EYS: variants seen among roughly 807,000 people sequenced by gnomAD.
The protein encoded by EYS is protein eyes shut homolog.
EYS carries 250 observed loss-of-function variants against 282.1 expected under a neutral mutation model. The observed-to-expected ratio is 0.89, with a 90% CI of 0.80 to 0.98. The LOEUF (loss-of-function observed/expected upper bound fraction) is 0.98. EYS is among the 50% of genes least tolerant of loss of function. The pLI is 0.00. For missense variants in EYS, 4,016 were observed against 3,709.0 expected (o/e 1.08, Z -2.15); for synonymous variants, 1,355 against 1,282.9 (o/e 1.06, Z -1.20).
intron 30 of EYS, among the ~76,000 whole-genome samples, chr6:64,251,978 T>C (rs1767232708): frequency 6.6e-6 from 1 of 152,108 alleles, no homozygotes. Context: ...AAAAACAGTA[T>C]GTGAAAAAGT....
chr6:64,652,065 G>A lies in EYS; in HGVS notation c.3444-25820C>T, dbSNP rs1562113471. ...AAAAATTTGCATTTACTTTGAGGGA[G>A]CAATTTCCCTGCCAAGAACTTATTT... On this transcript the variant is annotated intron_variant, in intron 22 of 42. Coordinates refer to ENST00000503581, the MANE Select transcript of EYS (RefSeq NM_001142800.2). Among the ~76,000 whole-genome samples, 3 of 152,254 alleles carry A rather than the reference G, an allele frequency of 2.0e-5. No individual in the cohort carries two copies. In the East Asian group the frequency reaches 5.8e-4, roughly 29 times the overall value.
intron 14 of EYS, among the ~76,000 whole-genome samples, chr6:64,984,235 C>G (rs1050978452): frequency 6.6e-6 from 1 of 151,280 alleles, no homozygotes; most frequent in South Asian, 2.1e-4. Flanking sequence ...CCCTTCCAAT[C>G]ATGTAGAAGC....
rs796162233 is a variant in EYS at position 64,487,480 on chromosome 6, G to T, written c.5645-48128C>A. Reference sequence around the variant, plus strand: ...CAGCAACAATAAAATAAGCATAATTGGGAATTAATATCCATTTAAAATGTA... The same window carrying T: ...CAGCAACAATAAAATAAGCATAATTTGGAATTAATATCCATTTAAAATGTA... On this transcript the variant is annotated intron_variant, in intron 26 of 42. Coordinates refer to ENST00000503581, the MANE Select transcript of EYS (RefSeq NM_001142800.2). Among the ~76,000 whole-genome samples the T allele has an allele frequency of 2.0e-5, 3 of 150,726 alleles. No individual in the cohort carries two copies. The South Asian group carries it at 6.2e-4, about 31-fold the overall frequency.
intron 10 of EYS, among the ~76,000 whole-genome samples, chr6:65,338,212 T>C (rs1562105474): frequency 6.6e-6 from 1 of 151,236 alleles, no homozygotes; most frequent in Non-Finnish European, 1.5e-5. Context: ...AATTTTGGAT[T>C]TCAACATGAT....
chr6:64,415,937 C>T (rs1342130504), intron 28 of EYS, among the ~76,000 whole-genome samples: 1 of 152,174 alleles, frequency 6.6e-6, no homozygotes. Context: ...TTTATAGAAA[C>T]TATCACAGAG....
At chr6:65,505,251 T>A (rs1387805835) in intron 2 of EYS, among the ~76,000 whole-genome samples, 1 of 151,178 alleles carries the variant, frequency 6.6e-6, no homozygotes, top group African/African-American at 2.4e-5. Flanking sequence ...ATAATGGCAA[T>A]CCCTGTTTGA....
At chr6:64,436,318 A>G (rs1774745888) in intron 27 of EYS, 53 bp from the exon 28 acceptor site, 1 of 913,314 alleles carries the variant, frequency 1.1e-6, no homozygotes, top group Non-Finnish European at 1.7e-6. Flanking sequence ...TGAAATTAAT[A>G]CCATATATTT....
At chr6:63,770,921 A>ATG (rs1215885606) in intron 40 of EYS, among the ~76,000 whole-genome samples, 5 of 152,132 alleles carry the variant, frequency 3.3e-5, no homozygotes, top group Non-Finnish European at 1.5e-5. Flanking sequence ...ACATTCCCCT[A>ATG]TGGCCTTCCT....
intron 22 of EYS, among the ~76,000 whole-genome samples, chr6:64,636,344 G>GA (rs1767980384): frequency 6.6e-6 from 1 of 152,050 alleles, no homozygotes; most frequent in Non-Finnish European, 1.5e-5. Flanking sequence ...TGAGGAAAGC[G>GA]TTCCCTATTT....
chr6:63,973,153 G>T (rs547239792), intron 35 of EYS, among the ~76,000 whole-genome samples: 1 of 152,028 alleles, frequency 6.6e-6, no homozygotes, highest in African/African-American at 2.4e-5. Context: ...AATGGTTGAA[G>T]TAATTTACAC....
At chr6:64,461,139 A>G (rs937210522) in intron 26 of EYS, among the ~76,000 whole-genome samples, 1 of 152,192 alleles carries the variant, frequency 6.6e-6, no homozygotes, top group African/African-American at 2.4e-5. Flanking sequence ...AGTTTCATGT[A>G]AGGAATATTT....
intron 2 of EYS, among the ~76,000 whole-genome samples, chr6:65,543,764 T>C: frequency 6.6e-6 from 1 of 152,178 alleles, no homozygotes; most frequent in East Asian, 1.9e-4. Flanking sequence ...TCTAACATTG[T>C]GAATCACAAT....
At position 64,625,762 on chromosome 6, in the gene EYS, A is replaced by AAT. The variant is rs138783916; in HGVS notation, c.3568+357_3568+358dup. Among the ~76,000 whole-genome samples the AAT allele has an allele frequency of 3.8e-3, 582 of 152,336 alleles. 3 individuals carry two copies. Among genetic ancestry groups the AAT allele is most frequent in the African/African-American group, 0.013 (536 of 41,582 alleles). On this transcript the variant is annotated intron_variant, in intron 23 of 42. Transcript: ENST00000503581. ...TGTGCTGACAATTGTGGGAAGAAATAATAATGTCAATACTAATAAGAGCTA... is the reference window on the plus strand; with the variant it reads ...TGTGCTGACAATTGTGGGAAGAAATAATATAATGTCAATACTAATAAGAGCTA...
chr6:65,266,499 A>G lies in EYS; in HGVS notation c.2023+29364T>C, dbSNP rs186512330. ...GCATGCATGAATGAATGAATGAATG[A>G]ATGGATGAATGAATGAAATTTAAAA... On this transcript the variant is annotated intron_variant, in intron 12 of 42. Coordinates refer to ENST00000503581, the MANE Select transcript of EYS (RefSeq NM_001142800.2). Among the ~76,000 whole-genome samples, 346 of 152,058 alleles carry G rather than the reference A, an allele frequency of 2.3e-3. 3 individuals are homozygous for G. The highest frequency in any genetic ancestry group is 7.8e-3 in the African/African-American group (326 of 41,560).
intron 12 of EYS, among the ~76,000 whole-genome samples, chr6:65,135,755 G>A (rs1776007537): frequency 6.6e-6 from 1 of 151,792 alleles, no homozygotes; most frequent in Non-Finnish European, 1.5e-5. Flanking sequence ...TGGTTCATCT[G>A]GAATTTTAGT....
At chr6:65,656,280 C>T (rs1394536715) in intron 1 of EYS, among the ~76,000 whole-genome samples, 1 of 151,878 alleles carries the variant, frequency 6.6e-6, no homozygotes, top group Non-Finnish European at 1.5e-5. Context: ...AGTAGCACAT[C>T]TCTCATTTAA....
intron 19 of EYS, among the ~76,000 whole-genome samples, chr6:64,870,532 G>A (rs1360838169): frequency 6.7e-6 from 1 of 150,020 alleles, no homozygotes; most frequent in East Asian, 2.0e-4. Flanking sequence ...ACAAGGCATA[G>A]TGAAAGAAGG....
At chr6:64,628,595 A>G (rs1767683481) in intron 22 of EYS, among the ~76,000 whole-genome samples, 1 of 152,090 alleles carries the variant, frequency 6.6e-6, no homozygotes, top group Non-Finnish European at 1.5e-5. Context: ...TTCATTATAT[A>G]AAATGGACAT....
At chr6:64,795,763 TG>T (rs1249161299) in intron 22 of EYS, among the ~76,000 whole-genome samples, 1 of 152,206 alleles carries the variant, frequency 6.6e-6, no homozygotes, top group Admixed American at 6.5e-5. Context: ...TATCCCCTAA[TG>T]AGCTGTGACA....
Sources: allele counts gnomAD v4.1 joint callset (sites outside exome capture counted in the v4.1 genomes callset), GRCh38; gene constraint gnomAD v4.1.1; transcripts MANE v1.5; gene names NCBI Gene and HGNC (gene_info 2026-07-23, HGNC 2026-07-21).